The following TEX9 variants were observed in gnomAD, a reference collection of about 807,000 sequenced individuals.
TEX9 encodes the protein testis-expressed protein 9.
In TEX9, 74 loss-of-function variants were observed where a neutral mutation model predicts 59.6. That is an observed-to-expected ratio of 1.24 (90% confidence interval 1.03 to 1.51). The LOEUF (loss-of-function observed/expected upper bound fraction) is 1.51. Among genes scored for constraint, TEX9 ranks in the 40% most tolerant of loss-of-function variants. The pLI, the probability that TEX9 is intolerant of heterozygous loss-of-function variation, is 0.00. For synonymous variants in TEX9, 186 were observed against 152.2 expected, an observed-to-expected ratio of 1.22 and a Z score of -1.64; for missense variants, 522 against 447.8, an observed-to-expected ratio of 1.17 and a Z score of -1.49.
intron 9 of TEX9, among the ~76,000 whole-genome samples, chr15:56,408,211 T>C (rs1210664940): frequency 6.6e-6 from 1 of 152,224 alleles, no homozygotes; most frequent in Non-Finnish European, 1.5e-5. Flanking sequence ...TTGCTTAGGC[T>C]TCCATCTCTA....
chr15:56,375,114 A>G (rs1222515963), intron 3 of TEX9, among the ~76,000 whole-genome samples: 26 of 152,114 alleles, frequency 1.7e-4, no homozygotes, highest in Admixed American at 1.7e-3. Flanking sequence ...TGGTTGAACT[A>G]GTTTACAGTC....
chr15:56,423,461 T>C (rs1429159927), intron 10 of TEX9, among the ~76,000 whole-genome samples: 3 of 152,196 alleles, frequency 2.0e-5, no homozygotes, highest in African/African-American at 7.2e-5. Flanking sequence ...TTATAAAATG[T>C]GGGGAATGTT....
At chr15:56,314,312 C>G (rs10438281) in intron 1 of TEX9, among the ~76,000 whole-genome samples, 8,104 of 63,380 alleles carry the variant, frequency 0.13, 597 homozygotes, top group Non-Finnish European at 0.19. Context: ...CCTCTACACA[C>G]TGCTTTGAAT....
intron 1 of TEX9, among the ~76,000 whole-genome samples, chr15:56,346,808 C>T (rs1422691513): frequency 4.6e-5 from 7 of 152,088 alleles, no homozygotes; most frequent in African/African-American, 1.2e-4. Context: ...TATTTGTAGA[C>T]GACATTTGTC....
intron 12 of TEX9, among the ~76,000 whole-genome samples, chr15:56,443,249 T>C (rs1410376488): frequency 6.6e-6 from 1 of 152,200 alleles, no homozygotes; most frequent in Admixed American, 6.5e-5. Flanking sequence ...AGTTTATAAA[T>C]TGATGCCTGA....
intron 1 of TEX9, among the ~76,000 whole-genome samples, chr15:56,321,905 C>T (rs747069376): frequency 2.3e-4 from 35 of 151,540 alleles, no homozygotes; most frequent in African/African-American, 5.8e-4. Context: ...AAGTAGTTGC[C>T]GGGGTTAGGA....
chr15:56,393,304 T>C (rs542813237), intron 7 of TEX9, among the ~76,000 whole-genome samples: 8 of 152,130 alleles, frequency 5.3e-5, no homozygotes, highest in African/African-American at 1.4e-4. Flanking sequence ...GAGACCTAGG[T>C]AGGGTTAGAG....
chr15:56,438,499 T>A (rs529599998), intron 12 of TEX9, among the ~76,000 whole-genome samples: 2 of 152,236 alleles, frequency 1.3e-5, no homozygotes, highest in Non-Finnish European at 2.9e-5. Context: ...TAATTCAGGA[T>A]GGATTAAAGA....
intron 12 of TEX9, among the ~76,000 whole-genome samples, chr15:56,438,159 A>T (rs1239147361): frequency 6.6e-6 from 1 of 152,130 alleles, no homozygotes; most frequent in Non-Finnish European, 1.5e-5. Flanking sequence ...CATTGCCAAG[A>T]CAATCCTAAG....
At chr15:56,263,740 C>T (rs2044319011) in intron 1 of TEX9, among the ~76,000 whole-genome samples, 1 of 152,174 alleles carries the variant, frequency 6.6e-6, no homozygotes, top group African/African-American at 2.4e-5. Flanking sequence ...CTGACAACTA[C>T]TGACCTCTTT....
At chr15:56,445,030 C>T (rs2050883625) in intron 12 of TEX9, among the ~76,000 whole-genome samples, 1 of 151,982 alleles carries the variant, frequency 6.6e-6, no homozygotes, top group South Asian at 2.1e-4. Flanking sequence ...CTGAGCTAGG[C>T]AATTTTCATC....
intron 1 of TEX9, among the ~76,000 whole-genome samples, chr15:56,318,610 A>G (rs1420881411): frequency 6.6e-6 from 1 of 151,400 alleles, no homozygotes; most frequent in African/African-American, 2.4e-5. Context: ...TTATTCCTTT[A>G]TTACTTCCTT....
chr15:56,371,897 G>A (rs2047207276), intron 2 of TEX9, among the ~76,000 whole-genome samples: 2 of 152,118 alleles, frequency 1.3e-5, no homozygotes, highest in South Asian at 4.1e-4. Flanking sequence ...AATTTTTGTA[G>A]TCTGTGTTTC....
chr15:56,265,163 C>CT lies in TEX9; in HGVS notation c.-107+20901dup, dbSNP rs201903728. Among the ~76,000 whole-genome samples, 804 of 134,250 alleles carry CT rather than the reference C, an allele frequency of 6.0e-3. 8 individuals are homozygous for CT. Among genetic ancestry groups the CT allele is most frequent in the African/African-American group, 0.017 (615 of 36,914 alleles). The allele number at this position is 134,250 out of a possible 152,430, so 88.1% of individuals were successfully genotyped here. On this transcript the variant is annotated intron_variant, in intron 1 of 5. Coordinates refer to the TEX9 transcript ENST00000560827. ...AGAACTTTCTGATTTCCTTTTCTTTCTTTTTTTTTTTTTTTTAACAGGGTC... is the reference window on the plus strand; with the variant it reads ...AGAACTTTCTGATTTCCTTTTCTTTCTTTTTTTTTTTTTTTTTAACAGGGTC...
chr15:56,445,501 C>T (rs1302831348), intron 12 of TEX9, among the ~76,000 whole-genome samples: 1 of 151,956 alleles, frequency 6.6e-6, no homozygotes, highest in Non-Finnish European at 1.5e-5. Context: ...TCATTCCTGA[C>T]GTCACTGAAG....
intron 1 of TEX9, among the ~76,000 whole-genome samples, chr15:56,281,687 C>A (rs905334206): frequency 6.6e-6 from 1 of 152,080 alleles, no homozygotes. Flanking sequence ...CATTATCTAC[C>A]CCATGAAGTA....
intron 1 of TEX9, among the ~76,000 whole-genome samples, chr15:56,281,132 G>T (rs553436638): frequency 2.7e-4 from 41 of 152,278 alleles, no homozygotes; most frequent in Admixed American, 1.8e-3. Flanking sequence ...ATTGCTGGTA[G>T]TTTTGAATAT....
chr15:56,291,868 A>G (rs1164751292), intron 1 of TEX9, among the ~76,000 whole-genome samples: 1 of 152,200 alleles, frequency 6.6e-6, no homozygotes, highest in African/African-American at 2.4e-5. Context: ...AACATGTCCT[A>G]TAACAAAGGA....
chr15:56,455,189 C>G, the TEX9 span, among the ~76,000 whole-genome samples: 2 of 136,638 alleles, frequency 1.5e-5, no homozygotes, highest in Admixed American at 1.6e-4. Context: ...GTGAAAATCT[C>G]TTCTATTTAA....
Sources: allele counts gnomAD v4.1 joint callset (sites outside exome capture counted in the v4.1 genomes callset), GRCh38; gene constraint gnomAD v4.1.1; transcripts MANE v1.5; gene names NCBI Gene and HGNC (gene_info 2026-07-23, HGNC 2026-07-21).